TSGA10: variants seen among roughly 807,000 people sequenced by gnomAD.
TSGA10 encodes the protein testis-specific gene 10 protein.
TSGA10 carries 43 observed loss-of-function variants against 96.6 expected under a neutral mutation model. The observed-to-expected ratio is 0.44, with a 90% CI of 0.35 to 0.57. TSGA10 has a LOEUF of 0.57. Ranked by LOEUF, TSGA10 falls within the 20% of genes least tolerant of loss-of-function variation. The pLI is 0.01. For missense variants in TSGA10, 703 were observed against 834.4 expected (o/e 0.84, Z 1.94); for synonymous variants, 229 against 269.9 (o/e 0.85, Z 1.48).
At chr2:99,032,157 G>A (rs1408479751) in intron 17 of TSGA10, among the ~76,000 whole-genome samples, 1 of 152,078 alleles carries the variant, frequency 6.6e-6, no homozygotes, top group Non-Finnish European at 1.5e-5. Context: ...TCTGCATGTG[G>A]CCTGCCCATT....
Position 99,117,534 on chromosome 2 carries a change from A to T in TSGA10, c.-140+10T>A. On this transcript the variant is annotated intron_variant, in intron 4 of 20. Transcript: ENST00000393483. ...AAAATTAAAATCCTTATCCGTGGTA[A>T]ATCTGGTACCTTGGCTTCTTCAAGT... 1.0e-6 allele frequency: 1 copy of T among 984,786 alleles called. No individual in the cohort carries two copies. Among genetic ancestry groups the T allele is most frequent in the Non-Finnish European group, 1.2e-6 (1 of 829,008 alleles). 61.0% of individuals were successfully genotyped at this position (984,786 alleles called of 1,614,324 possible).
chr2:99,129,957 G>C (rs1033362375), intron 1 of TSGA10, among the ~76,000 whole-genome samples: 1 of 152,076 alleles, frequency 6.6e-6, no homozygotes, highest in Non-Finnish European at 1.5e-5. Flanking sequence ...TCCCTGCAAA[G>C]GACATGAACT....
chr2:99,073,490 G>A (rs2104528078), intron 12 of TSGA10, among the ~76,000 whole-genome samples: 1 of 152,240 alleles, frequency 6.6e-6, no homozygotes, highest in South Asian at 2.1e-4. Context: ...ACCCAGAGAA[G>A]CCAATCATGT....
In TSGA10 at chr2:99,146,359, G is replaced by A. The variant is rs532973485; in HGVS notation, c.-621+8334C>T. Among the ~76,000 whole-genome samples the A allele has an allele frequency of 1.2e-4, 18 of 152,120 alleles. 1 individual carries two copies. The highest frequency in any genetic ancestry group is 3.4e-3 in the Middle Eastern group (1 of 294). On this transcript the variant is annotated intron_variant, in intron 1 of 20. Coordinates refer to ENST00000393483, the MANE Select transcript of TSGA10 (RefSeq NM_025244.4). ...TCTTTTTCCTTGCTAATTTCTAGGT[G>A]TTCTCTTTTTATTCCAGCCATTAAA...
chr2:99,090,649 A>G (rs1416945191), intron 10 of TSGA10, among the ~76,000 whole-genome samples: 1 of 152,206 alleles, frequency 6.6e-6, no homozygotes, highest in African/African-American at 2.4e-5. Flanking sequence ...TCAGCAATAG[A>G]ACTGAACAAA....
chr2:99,144,088 T>C (rs2093606272), intron 1 of TSGA10, among the ~76,000 whole-genome samples: 1 of 152,138 alleles, frequency 6.6e-6, no homozygotes. Flanking sequence ...TGGCGCGATC[T>C]CCGCTCACTG....
intron 10 of TSGA10, among the ~76,000 whole-genome samples, chr2:99,096,658 C>G (rs370826092): frequency 2.6e-4 from 39 of 152,290 alleles, no homozygotes; most frequent in East Asian, 2.1e-3. Context: ...CCAATTCCCC[C>G]CTTTCAACTA....
intron 9 of TSGA10, among the ~76,000 whole-genome samples, chr2:99,104,736 AAGTG>A (rs1281170087): frequency 6.6e-6 from 1 of 152,180 alleles, no homozygotes; most frequent in Non-Finnish European, 1.5e-5. Flanking sequence ...TGGCCTCCCA[AAGTG>A]CTGGGATTAC....
At chr2:99,002,368 T>G (rs957756398) in intron 20 of TSGA10, among the ~76,000 whole-genome samples, 5 of 152,190 alleles carry the variant, frequency 3.3e-5, no homozygotes, top group African/African-American at 1.2e-4. Flanking sequence ...ACCCAGAATT[T>G]CATATCCAGC....
At position 99,108,937 on chromosome 2, in the gene TSGA10, G is replaced by A. The variant is rs960659676; in HGVS notation, c.106C>T (p.Leu36Phe). 1 of 1,606,810 alleles carries A rather than the reference G, an allele frequency of 6.2e-7. No homozygotes were observed. Among genetic ancestry groups the A allele is most frequent in the Non-Finnish European group, 8.5e-7 (1 of 1,177,740 alleles). Reference sequence around the variant, plus strand: ...TCATATTTTTCCAGCATGCATTTAAGTTCTTCACGATCTCTTGTTGTTGTC... The same window carrying A: ...TCATATTTTTCCAGCATGCATTTAAATTCTTCACGATCTCTTGTTGTTGTC... ...LKTTTRDREE[L>F]KCMLEKYERH... is the part of the protein sequence containing the mutation. Residue 36 changes from leucine to phenylalanine, a missense_variant, in exon 7 of 21, where the codon CTT becomes TTT. Physicochemically the swap from Leu to Phe is conservative, Grantham distance 22 (BLOSUM62 0). Coordinates refer to ENST00000393483, the MANE Select transcript of TSGA10 (RefSeq NM_025244.4).
chr2:99,097,634 C>CA (rs1344938976), intron 10 of TSGA10, among the ~76,000 whole-genome samples: 2 of 152,082 alleles, frequency 1.3e-5, no homozygotes, highest in East Asian at 3.9e-4. Context: ...TTAAATACCC[C>CA]ATCAATCCAA....
At chr2:99,095,299 T>C (rs1236214769) in intron 10 of TSGA10, among the ~76,000 whole-genome samples, 2 of 152,098 alleles carry the variant, frequency 1.3e-5, no homozygotes, top group African/African-American at 2.4e-5. Flanking sequence ...GGGTACAGTG[T>C]ATACTGCTCG....
chr2:99,020,204 T>C, intron 18 of TSGA10, 76 bp downstream of exon 18: 1 of 1,306,668 alleles, frequency 7.7e-7, no homozygotes. Flanking sequence ...ATTCTCTAAA[T>C]TCTAGCTTAA....
At chr2:99,015,543 A>T (rs1573482311) in intron 20 of TSGA10, among the ~76,000 whole-genome samples, 2 of 152,190 alleles carry the variant, frequency 1.3e-5, no homozygotes, top group African/African-American at 4.8e-5. Context: ...AGCCAACATT[A>T]TACTGAATGG....
intron 1 of TSGA10, among the ~76,000 whole-genome samples, chr2:99,136,844 A>G (rs1377735190): frequency 7.0e-6 from 1 of 143,324 alleles, no homozygotes; most frequent in East Asian, 2.0e-4. Context: ...AAAAAAAAAA[A>G]GTATTTCTGA....
At chr2:99,010,962 C>A (rs2078944467) in intron 20 of TSGA10, among the ~76,000 whole-genome samples, 2 of 152,286 alleles carry the variant, frequency 1.3e-5, no homozygotes, top group South Asian at 4.1e-4. Flanking sequence ...ACTTCTCTGG[C>A]AAACTGTATG....
Position 99,111,003 on chromosome 2 carries a change from C to A in TSGA10, c.-139-88G>T, listed in dbSNP as rs182822098. 5.8e-4 allele frequency: 173 copies of A among 296,526 alleles called. 1 individual carries two copies. The highest frequency in any genetic ancestry group is 3.4e-3 in the African/African-American group (151 of 43,978). The allele number at this position is 296,526 out of a possible 1,614,324, so 18.4% of individuals were successfully genotyped here. A position where few individuals can be genotyped will look rare whatever the true frequency, so the allele number is the denominator to read the frequency against. ...AAGAACATCAAAAAAAAGGAAGCCA[C>A]TTAAAATAAAAACATGAAGGCAGTG... On this transcript the variant is annotated intron_variant, in intron 4 of 20. Coordinates refer to ENST00000393483, the MANE Select transcript of TSGA10 (RefSeq NM_025244.4).
chr2:99,001,237 C>T (rs1359110210), intron 20 of TSGA10, among the ~76,000 whole-genome samples: 1 of 152,152 alleles, frequency 6.6e-6, no homozygotes, highest in Non-Finnish European at 1.5e-5. Flanking sequence ...CAAACTGACA[C>T]CTCATACAGC....
chr2:99,055,963 G>A (rs753722960), intron 16 of TSGA10, among the ~76,000 whole-genome samples: 5 of 151,990 alleles, frequency 3.3e-5, no homozygotes, highest in Non-Finnish European at 5.9e-5. Flanking sequence ...CAGCACTTTG[G>A]GAGGCTGAGG....
Sources: gnomAD v4.1 joint callset for allele counts (sites outside exome capture counted in the v4.1 genomes callset) on GRCh38, gnomAD v4.1.1 for gene constraint, MANE v1.5 for transcripts, NCBI Gene and HGNC (gene_info 2026-07-23, HGNC 2026-07-21) for gene names.